TRPM5: variants seen among roughly 807,000 people sequenced by gnomAD.
TRPM5 encodes transient receptor potential cation channel subfamily M member 5, also known as MLSN1 and TRP-related.
In TRPM5, 121 loss-of-function variants were observed where a neutral mutation model predicts 124.9. The ratio of observed to expected loss-of-function variants is 0.97; its 90% CI spans 0.84 to 1.13. TRPM5 has a LOEUF of 1.13. Among genes scored for constraint, TRPM5 ranks in the 50% most tolerant of loss-of-function variants. The pLI is 0.00. For missense variants in TRPM5, 1,643 were observed against 1,589.1 expected (o/e 1.03, Z -0.58); for synonymous variants, 781 against 700.5 (o/e 1.11, Z -1.81).
At chr11:2,414,350 C>T (rs1850521679) in intron 11 of TRPM5, 144 bp from the exon 17 acceptor site, 1 of 1,237,738 alleles carries the variant, frequency 8.1e-7, no homozygotes, top group Non-Finnish European at 1.1e-6. Context: ...GCCTTCTGCC[C>T]CCTCCGGCCT....
the TRPM5 span, among the ~76,000 whole-genome samples, chr11:2,433,244 C>T: frequency 2.0e-5 from 3 of 152,274 alleles, no homozygotes; most frequent in South Asian, 2.1e-4. Context: ...GCAAGGCCCA[C>T]GCCCTCTCCC....
chr11:2,424,928 G>A (rs527255452), upstream of TRPM5, among the ~76,000 whole-genome samples: 2 of 152,326 alleles, frequency 1.3e-5, no homozygotes, highest in South Asian at 2.1e-4. Flanking sequence ...GGCCTGTGGA[G>A]GCGCCCTGAT....
At chr11:2,428,048 G>T in the TRPM5 span, among the ~76,000 whole-genome samples, 1 of 152,238 alleles carries the variant, frequency 6.6e-6, no homozygotes, top group African/African-American at 2.4e-5. The surrounding 1 kb of genome is among the most constrained non-coding windows in gnomAD (Gnocchi z 4.0). Flanking sequence ...TGCATCCGGA[G>T]TCAGGACAGG....
At chr11:2,421,382 G>T (rs1441079129) in intron 2 of TRPM5, among the ~76,000 whole-genome samples, 184 bp from the exon 8 acceptor site, 3 of 152,232 alleles carry the variant, frequency 2.0e-5, no homozygotes, top group Admixed American at 6.5e-5. Flanking sequence ...CCCACCCAAG[G>T]CTGCTCAGCA....
chr11:2,428,822 A>T, the TRPM5 span, among the ~76,000 whole-genome samples: 1 of 144,416 alleles, frequency 6.9e-6, no homozygotes, highest in Admixed American at 6.8e-5. The surrounding 1 kb of genome is among the most constrained non-coding windows in gnomAD (Gnocchi z 4.0). Flanking sequence ...GGTGGGGATA[A>T]TGGTGGTGAT....
intron 23 of TRPM5, 30 bp downstream of exon 28, chr11:2,405,497 C>A: frequency 6.5e-7 from 1 of 1,550,376 alleles, no homozygotes; most frequent in Non-Finnish European, 8.7e-7. Context: ...CCATGCCCAC[C>A]CTCATCCCAC....
At chr11:2,411,370 G>A in exon 18 of TRPM5, 2 of 1,605,692 alleles carry the variant, frequency 1.2e-6, no homozygotes, top group South Asian at 1.1e-5. Context: ...TCGTCCAGTG[G>A]GATCTGGCCG....
At chr11:2,412,193 T>A (rs769576538) in exon 16 of TRPM5, 2 of 1,613,636 alleles carry the variant, frequency 1.2e-6, no homozygotes, top group Non-Finnish European at 8.5e-7. Flanking sequence ...TTGTTCCAGT[T>A]GTCCCCCACA....
chr11:2,414,222 C>T lies in TRPM5; in HGVS notation c.1745-16G>A. The T allele has an allele frequency of 1.2e-6, 2 of 1,603,410 alleles. No homozygotes were observed. Among genetic ancestry groups the T allele is most frequent in the Non-Finnish European group, 1.7e-6 (2 of 1,175,468 alleles). ...GAGAAGAGGTCTGCCCCCGGAGGCCCTGGCCGCTAGGACGAGACGCCGATG... is the reference window on the plus strand; with the variant it reads ...GAGAAGAGGTCTGCCCCCGGAGGCCTTGGCCGCTAGGACGAGACGCCGATG... On this transcript the variant is annotated splice_polypyrimidine_tract_variant and intron_variant, in intron 11 of 23. Transcript: ENST00000155858.
At chr11:2,406,517 T>G in intron 21 of TRPM5, 144 bp downstream of exon 26, 1 of 1,153,552 alleles carries the variant, frequency 8.7e-7, no homozygotes, top group Admixed American at 2.4e-5. Flanking sequence ...GCTGGAAAGC[T>G]AGGCCCCTGG....
At chr11:2,410,405 C>T (rs895157075) in intron 18 of TRPM5, among the ~76,000 whole-genome samples, 6 of 142,576 alleles carry the variant, frequency 4.2e-5, no homozygotes, top group Non-Finnish European at 7.6e-5. Context: ...GCCGGGCAGC[C>T]CCAGCCGCCT....
intron 12 of TRPM5, 80 bp from the exon 18 acceptor site, chr11:2,413,668 C>A: frequency 2.2e-6 from 3 of 1,362,968 alleles, no homozygotes; most frequent in Non-Finnish European, 3.1e-6. Context: ...GCCCTTCCCC[C>A]AGGTGCCTGG....
At chr11:2,419,093 C>CT (rs1283333506) in intron 4 of TRPM5, among the ~76,000 whole-genome samples, 1 of 152,152 alleles carries the variant, frequency 6.6e-6, no homozygotes, top group Non-Finnish European at 1.5e-5. Flanking sequence ...CCCCTGTCTT[C>CT]TGTGAGGGAG....
intron 3 of TRPM5, among the ~76,000 whole-genome samples, 190 bp downstream of exon 8, chr11:2,420,842 G>T (rs374931190): frequency 1.2e-4 from 19 of 152,284 alleles, no homozygotes; most frequent in Middle Eastern, 3.4e-3. Context: ...GTGAGGGCCC[G>T]CGCCACAGTC....
chr11:2,405,778 G>A (rs992594494), intron 22 of TRPM5, among the ~76,000 whole-genome samples, 185 bp from the exon 28 acceptor site: 1 of 152,142 alleles, frequency 6.6e-6, no homozygotes, highest in Non-Finnish European at 1.5e-5. Flanking sequence ...GAAAGGCGAG[G>A]GGTCTTCAAT....
chr11:2,425,566 G>A (rs1006709265), upstream of TRPM5, among the ~76,000 whole-genome samples: 2 of 151,202 alleles, frequency 1.3e-5, no homozygotes, highest in African/African-American at 4.9e-5. Context: ...CCCCATCTGG[G>A]AGGACACCAC....
At chr11:2,417,745 G>A in exon 7 of TRPM5, 1 of 1,414,690 alleles carries the variant, frequency 7.1e-7, no homozygotes, top group African/African-American at 1.5e-5. Context: ...AGCGCCTTCA[G>A]GATGACCGTG....
In TRPM5 at chr11:2,414,219, G is replaced by T; in HGVS notation, c.1745-13C>A. 1 of 1,603,888 alleles carries T rather than the reference G, an allele frequency of 6.2e-7. No homozygotes were observed. The highest frequency in any genetic ancestry group is 8.5e-7 in the Non-Finnish European group (1 of 1,175,720). ...TCGGAGAAGAGGTCTGCCCCCGGAGGCCCTGGCCGCTAGGACGAGACGCCG... is the reference window on the plus strand; with the variant it reads ...TCGGAGAAGAGGTCTGCCCCCGGAGTCCCTGGCCGCTAGGACGAGACGCCG... On this transcript the variant is annotated splice_polypyrimidine_tract_variant and intron_variant, in intron 11 of 23. Transcript: ENST00000155858.
the TRPM5 span, among the ~76,000 whole-genome samples, chr11:2,443,191 A>G: frequency 6.6e-6 from 1 of 152,182 alleles, no homozygotes; most frequent in African/African-American, 2.4e-5. The surrounding 1 kb of genome is among the most constrained non-coding windows in gnomAD (Gnocchi z 5.0). Context: ...CCTCTGATTC[A>G]TTTGAGATTT....
Sources: allele counts gnomAD v4.1 joint callset (sites outside exome capture counted in the v4.1 genomes callset), GRCh38; gene constraint gnomAD v4.1.1; non-coding constraint Gnocchi (gnomAD v3.1); transcripts MANE v1.5; gene names NCBI Gene and HGNC (gene_info 2026-07-23, HGNC 2026-07-21).